DLC1: variants seen among roughly 807,000 people sequenced by gnomAD.
The protein encoded by DLC1 is DLC1 Rho GTPase activating protein.
Under a neutral mutation model 140.3 loss-of-function variants are expected in DLC1, and 54 were observed. The observed-to-expected ratio is 0.38, with a 90% confidence interval of 0.31 to 0.48. The LOEUF is 0.48. Among genes scored for constraint, DLC1 ranks in the 20% least tolerant of loss-of-function variants. DLC1 has a pLI of 0.96. For missense variants in DLC1, 2,536 were observed against 1,907.0 expected (o/e 1.33, Z -6.14); for synonymous variants, 986 against 728.1 (o/e 1.35, Z -5.70).
chr8:13,121,566 T>C lies in DLC1; in HGVS notation c.1349-5909A>G, dbSNP rs557753678. 5.9e-5 allele frequency among the ~76,000 whole-genome samples: 9 copies of C among 152,276 alleles called. No homozygotes were observed. The South Asian group carries it at 1.9e-3, about 32-fold the overall frequency. On this transcript the variant is annotated intron_variant, in intron 5 of 17. Transcript: ENST00000276297. ...GGGAGTTTTCTTTTCTTTTCTTTTTTGAGACAGGGTTTTACTCTGTCACCT... is the reference window on the plus strand; with the variant it reads ...GGGAGTTTTCTTTTCTTTTCTTTTTCGAGACAGGGTTTTACTCTGTCACCT...
intron 2 of DLC1, among the ~76,000 whole-genome samples, chr8:13,482,671 T>C (rs1322920793): frequency 6.6e-6 from 1 of 152,202 alleles, no homozygotes; most frequent in African/African-American, 2.4e-5. Flanking sequence ...TTAAGATAAG[T>C]CAATATAGCC....
rs1174902103 is a variant in DLC1 at position 13,094,774 on chromosome 8, G to A, written c.3511C>T (p.Leu1171=). Residue 1171 remains leucine, a synonymous_variant, in exon 12 of 18, where the codon CTA becomes TTA. Coordinates refer to ENST00000276297, the MANE Select transcript of DLC1 (RefSeq NM_182643.3). ...GGACACTCACATTGGTAGATCTGTA[G>A]AAAGGTTTCCGAGAGTTTGTTCGTC... ...LMTNKLSETF[L]QIYQYVPKDQ... is the part of the protein sequence containing the mutation. The A allele has an allele frequency of 1.2e-6, 2 of 1,614,200 alleles. No homozygotes were observed. The highest frequency in any genetic ancestry group is 1.1e-5 in the South Asian group (1 of 91,082).
chr8:13,262,103 G>A (rs1453017315), intron 5 of DLC1, among the ~76,000 whole-genome samples: 1 of 152,124 alleles, frequency 6.6e-6, no homozygotes, highest in Non-Finnish European at 1.5e-5. Context: ...TGTGTAGTAA[G>A]GGACAGTGTG....
intron 1 of DLC1, among the ~76,000 whole-genome samples, chr8:13,600,961 A>G (rs1346080183): frequency 1.3e-5 from 2 of 151,812 alleles, no homozygotes; most frequent in Non-Finnish European, 2.9e-5. Context: ...AATTTAATTT[A>G]TATTTTATTA....
At chr8:13,305,014 A>T (rs1832360506) in intron 5 of DLC1, 1 of 1,112,308 alleles carries the variant, frequency 9.0e-7, no homozygotes, top group African/African-American at 1.6e-5. Flanking sequence ...TAAGAAAAAA[A>T]AATTGTGGTT....
At chr8:13,480,934 A>G (rs1485360072) in intron 2 of DLC1, among the ~76,000 whole-genome samples, 1 of 152,112 alleles carries the variant, frequency 6.6e-6, no homozygotes, top group Non-Finnish European at 1.5e-5. Flanking sequence ...TATGTAAGTA[A>G]AGATAATCTG....
intron 15 of DLC1, among the ~76,000 whole-genome samples, chr8:13,089,832 T>A (rs1049377625): frequency 1.3e-5 from 2 of 152,010 alleles, no homozygotes; most frequent in African/African-American, 4.8e-5. Context: ...GGAGTTAATT[T>A]CCCCCTAAGG....
rs555264749 is a variant in DLC1 at position 13,555,163 on chromosome 8, C to T, written c.-126+49374G>A. ...ACTCTTCAGACACACTTTCCTTGAC[C>T]ACTGAATTTAAAATGACAATGCTCC... On this transcript the variant is annotated intron_variant, in intron 1 of 1. Transcript: ENST00000631382. Among the ~76,000 whole-genome samples, 3 of 152,296 alleles carry T rather than the reference C, an allele frequency of 2.0e-5. No homozygotes were observed. The South Asian group carries it at 6.2e-4, about 32-fold the overall frequency.
At chr8:13,581,106 C>T (rs569942777) in intron 1 of DLC1, among the ~76,000 whole-genome samples, 15 of 152,228 alleles carry the variant, frequency 9.9e-5, no homozygotes, top group African/African-American at 3.6e-4. Flanking sequence ...TTACTAATCT[C>T]TCAACTCTTT....
chr8:13,237,288 T>C (rs970734179), intron 5 of DLC1, among the ~76,000 whole-genome samples: 1 of 146,358 alleles, frequency 6.8e-6, no homozygotes, highest in African/African-American at 2.5e-5. Flanking sequence ...TATATATATA[T>C]AAATATATAA....
intron 4 of DLC1, among the ~76,000 whole-genome samples, chr8:13,349,823 G>T (rs1834550478): frequency 6.6e-6 from 1 of 152,134 alleles, no homozygotes; most frequent in Admixed American, 6.5e-5. Context: ...GTATCTTGTG[G>T]GGAGACATGA....
chr8:13,102,021 G>C (rs1019614722), intron 8 of DLC1, among the ~76,000 whole-genome samples: 1 of 152,154 alleles, frequency 6.6e-6, no homozygotes, highest in Non-Finnish European at 1.5e-5. Flanking sequence ...CTCAGTGGGC[G>C]CTGAGGTTCC....
intron 5 of DLC1, among the ~76,000 whole-genome samples, chr8:13,255,743 CG>C (rs1250730339): frequency 1.3e-5 from 2 of 152,124 alleles, no homozygotes; most frequent in Admixed American, 6.6e-5. Context: ...GATCACTTTC[CG>C]TCCAATACCA....
chr8:13,418,418 C>A (rs879761528), intron 2 of DLC1, among the ~76,000 whole-genome samples: 1 of 152,180 alleles, frequency 6.6e-6, no homozygotes, highest in Non-Finnish European at 1.5e-5. Context: ...GATCCAGTTT[C>A]AGCTTTCTAC....
intron 5 of DLC1, among the ~76,000 whole-genome samples, chr8:13,245,569 ACCT>A (rs1829729834): frequency 6.6e-6 from 1 of 152,104 alleles, no homozygotes; most frequent in Admixed American, 6.6e-5. Context: ...TAAATGAGCT[ACCT>A]CCACCTGAAT....
chr8:13,356,543 G>A (rs1834951172), intron 4 of DLC1, among the ~76,000 whole-genome samples: 1 of 152,162 alleles, frequency 6.6e-6, no homozygotes, highest in Admixed American at 6.5e-5. Flanking sequence ...AAGAGAATTG[G>A]TAATTCCTTT....
intron 5 of DLC1, among the ~76,000 whole-genome samples, chr8:13,204,821 G>A (rs1456981647): frequency 6.6e-6 from 1 of 152,180 alleles, no homozygotes; most frequent in Non-Finnish European, 1.5e-5. Context: ...CCAGAAAACT[G>A]TTTTTAAATA....
intron 2 of DLC1, among the ~76,000 whole-genome samples, chr8:13,457,283 T>C (rs1167753471): frequency 6.6e-6 from 1 of 152,206 alleles, no homozygotes; most frequent in East Asian, 1.9e-4. Flanking sequence ...TGATTCTGTT[T>C]AGTAAATGTT....
chr8:13,172,961 AG>A (rs1463058628), intron 5 of DLC1, among the ~76,000 whole-genome samples: 2 of 152,340 alleles, frequency 1.3e-5, no homozygotes, highest in African/African-American at 4.8e-5. Context: ...GTAACCAAAA[AG>A]TCATTAGGGT....
Sources: allele counts gnomAD v4.1 joint callset (sites outside exome capture counted in the v4.1 genomes callset), GRCh38; gene constraint gnomAD v4.1.1; transcripts MANE v1.5; gene names NCBI Gene and HGNC (gene_info 2026-07-23, HGNC 2026-07-21).